GPHN: variants seen among roughly 807,000 people sequenced by gnomAD.
GPHN encodes the protein gephyrin.
GPHN carries 17 observed loss-of-function variants against 95.5 expected under a neutral mutation model. That is an observed-to-expected ratio of 0.18 (90% CI 0.12 to 0.27). The LOEUF (loss-of-function observed/expected upper bound fraction) is 0.27, where lower values mean the gene tolerates loss of function less well. GPHN is among the 10% of genes least tolerant of loss of function. The pLI is 1.00. For synonymous variants in GPHN, 320 were observed against 322.5 expected, an observed-to-expected ratio of 0.99 and a Z score of 0.08; for missense variants, 660 against 978.1, an observed-to-expected ratio of 0.67 and a Z score of 4.34.
intron 8 of GPHN, among the ~76,000 whole-genome samples, chr14:66,942,766 T>G (rs1241433307): frequency 6.6e-6 from 1 of 152,194 alleles, no homozygotes; most frequent in Non-Finnish European, 1.5e-5. Context: ...TGTTTACTTC[T>G]TTTCTAGATG....
the GPHN span, chr14:67,301,418 TAAGGAA>T: frequency 6.2e-7 from 1 of 1,610,718 alleles, no homozygotes; most frequent in Non-Finnish European, 8.5e-7. Context: ...CAGTTCATCA[TAAGGAA>T]GGACAAGAAC....
the GPHN span, chr14:67,579,094 T>G: frequency 2.8e-6 from 4 of 1,445,530 alleles, no homozygotes; most frequent in Non-Finnish European, 3.8e-6. Context: ...GTGGCAGAGA[T>G]GAGCAGAGCC....
the GPHN span, among the ~76,000 whole-genome samples, chr14:67,618,993 T>C: frequency 6.6e-6 from 1 of 152,166 alleles, no homozygotes; most frequent in African/African-American, 2.4e-5. Flanking sequence ...ATGTCTAGAT[T>C]CTTGCATGCC....
intron 1 of GPHN, among the ~76,000 whole-genome samples, chr14:66,591,447 C>T (rs1344210670): frequency 6.6e-6 from 1 of 152,178 alleles, no homozygotes; most frequent in African/African-American, 2.4e-5. Flanking sequence ...TGATAAGCAA[C>T]TTCAGCAAAC....
At chr14:67,237,171 TTTATC>T in the GPHN span, among the ~76,000 whole-genome samples, 1 of 152,028 alleles carries the variant, frequency 6.6e-6, no homozygotes, top group Non-Finnish European at 1.5e-5. Context: ...TAATTTCTCT[TTTATC>T]TGAGTTACTG....
chr14:67,114,071 A>G (rs2078533039), intron 16 of GPHN, among the ~76,000 whole-genome samples: 1 of 152,164 alleles, frequency 6.6e-6, no homozygotes, highest in Non-Finnish European at 1.5e-5. Context: ...AGGTCTTTTT[A>G]TGACATTATA....
the GPHN span, among the ~76,000 whole-genome samples, chr14:67,284,739 A>G: frequency 1.3e-5 from 2 of 151,958 alleles, no homozygotes; most frequent in Non-Finnish European, 2.9e-5. Flanking sequence ...ATGAAATTAC[A>G]TAACATAGGC....
chr14:66,711,096 C>A (rs189756280), intron 2 of GPHN, among the ~76,000 whole-genome samples: 11 of 152,110 alleles, frequency 7.2e-5, no homozygotes, highest in Admixed American at 7.2e-4. Context: ...TGTTTGGTTA[C>A]GTGAGTAAGT....
the GPHN span, among the ~76,000 whole-genome samples, chr14:67,250,634 A>G: frequency 6.6e-6 from 1 of 152,246 alleles, no homozygotes; most frequent in South Asian, 2.1e-4. Flanking sequence ...ATGGAAATAA[A>G]GTCATGAACC....
intron 2 of GPHN, among the ~76,000 whole-genome samples, chr14:66,726,177 C>T (rs889769232): frequency 3.9e-4 from 59 of 152,150 alleles, no homozygotes; most frequent in African/African-American, 1.2e-3. Flanking sequence ...TATCTACTCC[C>T]GTTCAAATTA....
the GPHN span, among the ~76,000 whole-genome samples, chr14:67,433,540 A>G: frequency 2.6e-5 from 4 of 152,340 alleles, no homozygotes; most frequent in Middle Eastern, 3.4e-3. Flanking sequence ...AATGGAATAT[A>G]AAGACAAATG....
chr14:66,561,624 TTA>T (rs2060249677), intron 1 of GPHN, among the ~76,000 whole-genome samples: 1 of 152,158 alleles, frequency 6.6e-6, no homozygotes, highest in African/African-American at 2.4e-5. Context: ...AGAATATAGT[TTA>T]TCTTATATCT....
intron 4 of GPHN, among the ~76,000 whole-genome samples, chr14:66,873,079 G>A (rs910659874): frequency 1.3e-5 from 2 of 152,124 alleles, no homozygotes; most frequent in Non-Finnish European, 2.9e-5. Flanking sequence ...CTAGGTACAC[G>A]GCTCATATCG....
the GPHN span, among the ~76,000 whole-genome samples, chr14:67,532,312 T>C: frequency 2.0e-5 from 3 of 152,218 alleles, no homozygotes; most frequent in Non-Finnish European, 4.4e-5. Context: ...GATGGTATTT[T>C]GCTTCTGTTC....
At chr14:67,164,270 CAAAAA>C (rs780524695) in intron 19 of GPHN, among the ~76,000 whole-genome samples, 3 of 46,640 alleles carry the variant, frequency 6.4e-5, no homozygotes, top group Admixed American at 2.9e-4. Flanking sequence ...ACTCCATCTC[CAAAAA>C]AAAAAAAAAA....
intron 3 of GPHN, among the ~76,000 whole-genome samples, chr14:66,777,842 C>G (rs937538631): frequency 4.1e-4 from 63 of 152,238 alleles, no homozygotes; most frequent in African/African-American, 1.4e-3. Context: ...TAAGAGCTAT[C>G]TATGACAAAC....
chr14:66,676,672 A>ATTTTTTTTTTTTT (rs56906168), intron 1 of GPHN, among the ~76,000 whole-genome samples: 1 of 126,080 alleles, frequency 7.9e-6, no homozygotes, highest in African/African-American at 3.0e-5. Flanking sequence ...ATCGTAGTGT[A>ATTTTTTTTTTTTT]TTTTTTTTTT....
At chr14:67,664,498 A>ATTTTTT in the GPHN span, among the ~76,000 whole-genome samples, 1 of 147,072 alleles carries the variant, frequency 6.8e-6, no homozygotes. Context: ...CTAAAGAGCA[A>ATTTTTT]TTTTTTTTTT....
chr14:66,644,887 G>A (rs1051862530), intron 1 of GPHN, among the ~76,000 whole-genome samples: 53 of 151,944 alleles, frequency 3.5e-4, no homozygotes, highest in African/African-American at 1.2e-3. Flanking sequence ...TAATTTTTAG[G>A]TAAATTTTTT....
Sources: gnomAD v4.1 joint callset for allele counts (sites outside exome capture counted in the v4.1 genomes callset) on GRCh38, gnomAD v4.1.1 for gene constraint, MANE v1.5 for transcripts, NCBI Gene and HGNC (gene_info 2026-07-23, HGNC 2026-07-21) for gene names.